SH3PXD2A: variants seen among roughly 807,000 people sequenced by gnomAD.
SH3PXD2A encodes the protein SH3 and PX domain-containing protein 2A.
Under a neutral mutation model 115.2 loss-of-function variants are expected in SH3PXD2A, and 32 were observed. The ratio of observed to expected loss-of-function variants is 0.28; its 90% CI spans 0.21 to 0.37. The LOEUF (loss-of-function observed/expected upper bound fraction) is 0.37. SH3PXD2A is among the 10% of genes least tolerant of loss of function. The pLI, the probability that SH3PXD2A is intolerant of heterozygous loss-of-function variation, is 1.00. For missense variants in SH3PXD2A, 1,328 were observed against 1,498.7 expected, an observed-to-expected ratio of 0.89 and a Z score of 1.88; for synonymous variants, 610 against 629.1, an observed-to-expected ratio of 0.97 and a Z score of 0.45.
chr10:103,763,065 A>G (rs937951737), intron 3 of SH3PXD2A, among the ~76,000 whole-genome samples: 2 of 152,156 alleles, frequency 1.3e-5, no homozygotes, highest in African/African-American at 4.8e-5. Context: ...ACTGACCATT[A>G]CACCACCCAG....
intron 1 of SH3PXD2A, among the ~76,000 whole-genome samples, chr10:103,806,080 C>T (rs2039199061): frequency 6.6e-6 from 1 of 152,184 alleles, no homozygotes; most frequent in South Asian, 2.1e-4. Flanking sequence ...ATTGTTCCTG[C>T]TAACATCTTG....
intron 1 of SH3PXD2A, among the ~76,000 whole-genome samples, chr10:103,820,141 C>T (rs1022995091): frequency 3.9e-5 from 6 of 152,166 alleles, no homozygotes; most frequent in Non-Finnish European, 7.4e-5. Flanking sequence ...ACGCTCAATT[C>T]GCTCCCAGGC....
rs1449163115 is a variant in SH3PXD2A, at chr10:103,600,927, AAAC to A, written c.*886_*888del. On this transcript the variant is annotated 3_prime_UTR_variant, in exon 15 of 15. Coordinates refer to ENST00000369774, the MANE Select transcript of SH3PXD2A (RefSeq NM_001394015.1). ...TGTGAGGCCGACCACCCAGGCCCCC[AAAC>A]AACCCCTAAAATAAGACGCAAACCA... is the stretch of plus-strand genomic sequence containing the variant. 2.0e-5 allele frequency: 3 copies of A among 152,188 alleles called. No homozygotes were observed. The highest frequency in any genetic ancestry group is 4.4e-5 in the Non-Finnish European group (3 of 68,032). The allele number at this position is 152,188 out of a possible 1,614,324, so 9.4% of individuals were successfully genotyped here. A position where few individuals can be genotyped will look rare whatever the true frequency, so the allele number is the denominator to read the frequency against.
intron 5 of SH3PXD2A, among the ~76,000 whole-genome samples, chr10:103,701,956 T>C (rs980814700): frequency 2.0e-5 from 3 of 148,958 alleles, no homozygotes; most frequent in African/African-American, 7.5e-5. Context: ...CCATCCATCA[T>C]CTATCTACCA....
rs1314802155 is a variant in SH3PXD2A, at chr10:103,599,266, C to G, written c.*2550G>C. On this transcript the variant is annotated 3_prime_UTR_variant, in exon 15 of 15. Transcript: ENST00000369774. ...GCACTGGGGGTCAAGGAGAGGGGGT[C>G]CTTGGGGGGGGCTGGGAGAATGTGG... 1.1e-5 allele frequency: 1 copy of G among 92,390 alleles called. No homozygotes were observed. The highest frequency in any genetic ancestry group is 4.6e-5 in the African/African-American group (1 of 21,652). The allele number at this position is 92,390 out of a possible 1,614,324, so 5.7% of individuals were successfully genotyped here.
At chr10:103,813,383 C>T (rs1454279058) in intron 1 of SH3PXD2A, among the ~76,000 whole-genome samples, 1 of 152,140 alleles carries the variant, frequency 6.6e-6, no homozygotes, top group Non-Finnish European at 1.5e-5. Context: ...GTGGCACAAT[C>T]ATAGCTCAAT....
intron 1 of SH3PXD2A, among the ~76,000 whole-genome samples, chr10:103,810,919 CGGAG>C (rs1338784890): frequency 0.1 from 1,729 of 17,366 alleles, 31 homozygotes; most frequent in Non-Finnish European, 0.18. Context: ...CACACACACA[CGGAG>C]ACACACACAT....
At chr10:103,816,884 C>G (rs942554058) in intron 1 of SH3PXD2A, among the ~76,000 whole-genome samples, 1 of 151,930 alleles carries the variant, frequency 6.6e-6, no homozygotes, top group African/African-American at 2.4e-5. Context: ...GTCGTCCAGG[C>G]TGGAGTACAG....
chr10:103,691,301 C>T (rs935799512), intron 6 of SH3PXD2A, among the ~76,000 whole-genome samples: 1 of 152,132 alleles, frequency 6.6e-6, no homozygotes, highest in African/African-American at 2.4e-5. Context: ...CATACTTAAT[C>T]CTCTATGTGT....
At chr10:103,760,571 A>G (rs1014429073) in intron 3 of SH3PXD2A, among the ~76,000 whole-genome samples, 2 of 130,860 alleles carry the variant, frequency 1.5e-5, no homozygotes, top group Non-Finnish European at 3.2e-5. Flanking sequence ...CCCTGTCTCA[A>G]AAAGATATAT....
intron 2 of SH3PXD2A, among the ~76,000 whole-genome samples, chr10:103,794,493 G>A (rs144623372): frequency 7.3e-4 from 111 of 152,322 alleles, no homozygotes; most frequent in African/African-American, 2.5e-3. Flanking sequence ...GGGCTTCAGA[G>A]AGTCTTCCGG....
intron 1 of SH3PXD2A, among the ~76,000 whole-genome samples, chr10:103,816,574 C>T (rs892707679): frequency 3.9e-5 from 6 of 152,136 alleles, no homozygotes; most frequent in African/African-American, 1.4e-4. Flanking sequence ...AATAGTGCAG[C>T]CACCTTGGAA....
At chr10:103,751,903 G>C (rs1460581182) in intron 3 of SH3PXD2A, among the ~76,000 whole-genome samples, 2 of 152,230 alleles carry the variant, frequency 1.3e-5, no homozygotes, top group Admixed American at 6.5e-5. Flanking sequence ...ATCTGTGACT[G>C]TCTGCTGCCC....
chr10:103,596,122 G>C lies in SH3PXD2A; in HGVS notation c.*5694C>G, dbSNP rs777005346. The stretch of plus-strand genomic sequence containing the variant: ...CTTATATGCACCTGCAGGTCTTGTT[G>C]GGTGCACCGTGAGCAAGTTCTCACC... On this transcript the variant is annotated 3_prime_UTR_variant, in exon 15 of 15. Transcript: ENST00000369774. The C allele has an allele frequency of 2.0e-5, 3 of 152,168 alleles. No individual in the cohort carries two copies. The highest frequency in any genetic ancestry group is 4.8e-5 in the African/African-American group (2 of 41,424). 9.4% of individuals were successfully genotyped at this position (152,168 alleles called of 1,614,324 possible). A position where few individuals can be genotyped will look rare whatever the true frequency, so the allele number is the denominator to read the frequency against.
intron 6 of SH3PXD2A, among the ~76,000 whole-genome samples, chr10:103,674,762 G>C (rs987340791): frequency 3.3e-5 from 5 of 152,198 alleles, no homozygotes; most frequent in Non-Finnish European, 7.3e-5. Context: ...GGAGCTTGCA[G>C]TGAGCTGAGA....
In SH3PXD2A at chr10:103,787,271, C is replaced by T. The variant is rs955270402; in HGVS notation, c.153+14011G>A. 4.6e-5 allele frequency among the ~76,000 whole-genome samples: 7 copies of T among 152,340 alleles called. No individual in the cohort carries two copies. The South Asian group carries it at 1.5e-3, about 32-fold the overall frequency. Reference sequence around the variant, plus strand: ...CAGCCCGCACCCTGGTTCTTGACTACACAGCCAAGAAACCCAGGTATTCCA... The same window carrying T: ...CAGCCCGCACCCTGGTTCTTGACTATACAGCCAAGAAACCCAGGTATTCCA... On this transcript the variant is annotated intron_variant, in intron 2 of 14. Transcript: ENST00000369774.
Position 103,612,908 on chromosome 10 carries a change from C to T in SH3PXD2A, c.1203G>A (p.Arg401=), listed in dbSNP as rs1328576932. ...AVGVPDRTVS[R]LAQGSPAVAR... ...CCACAGCTGGAGAGCCCTGGGCCAGCCTGGAGACAGTCCTGTCAGGAACGC... is the reference window on the plus strand; with the variant it reads ...CCACAGCTGGAGAGCCCTGGGCCAGTCTGGAGACAGTCCTGTCAGGAACGC... The change falls in exon 12 of 15, where the codon AGG becomes AGA. Residue 401 remains arginine (R), a synonymous_variant. Coordinates refer to ENST00000369774, the MANE Select transcript of SH3PXD2A (RefSeq NM_001394015.1). 2 of 1,609,528 alleles carry T rather than the reference C, an allele frequency of 1.2e-6. No homozygotes were observed. Among genetic ancestry groups the T allele is most frequent in the Non-Finnish European group, 1.7e-6 (2 of 1,177,888 alleles).
At chr10:103,804,595 T>C (rs774785324) in intron 1 of SH3PXD2A, among the ~76,000 whole-genome samples, 1 of 152,066 alleles carries the variant, frequency 6.6e-6, no homozygotes, top group African/African-American at 2.4e-5. Context: ...GTCCTGGGAT[T>C]ATAGGCATGA....
chr10:103,674,424 C>G (rs553103254), intron 6 of SH3PXD2A, among the ~76,000 whole-genome samples: 2 of 152,316 alleles, frequency 1.3e-5, no homozygotes, highest in East Asian at 3.9e-4. Flanking sequence ...AACAGGTTGT[C>G]ATGCTCAGAG....
Sources: gnomAD v4.1 joint callset for allele counts (sites outside exome capture counted in the v4.1 genomes callset) on GRCh38, gnomAD v4.1.1 for gene constraint, MANE v1.5 for transcripts, NCBI Gene and HGNC (gene_info 2026-07-23, HGNC 2026-07-21) for gene names.